The following RBBP6 variants were observed in gnomAD, a reference collection of about 807,000 sequenced individuals.
The protein encoded by RBBP6 is E3 ubiquitin-protein ligase RBBP6.
A neutral mutation model predicts 167.7 loss-of-function variants in RBBP6; 25 were observed. The observed-to-expected ratio is 0.15, with a 90% CI of 0.11 to 0.21. RBBP6 has a LOEUF of 0.21. Among genes scored for constraint, RBBP6 ranks in the 10% least tolerant of loss-of-function variants. The probability of loss-of-function intolerance (pLI) is 1.00; values close to 1 mark genes in which losing one functional copy is unlikely to be tolerated. For missense variants in RBBP6, 1,868 were observed against 2,134.2 expected (o/e 0.88, Z 2.46); for synonymous variants, 789 against 735.8 (o/e 1.07, Z -1.17).
rs1899070906 is a variant in RBBP6 at position 24,561,997 on chromosome 16, TTCA to T, written c.1129_1131del (p.Ser377del). 6.2e-7 allele frequency: 1 copy of T among 1,613,828 alleles called. No homozygotes were observed. The highest frequency in any genetic ancestry group is 8.5e-7 in the Non-Finnish European group (1 of 1,179,788). The stretch of plus-strand genomic sequence containing the variant: ...ATCCTCTTATGATTCCAGTGACATC[TTCA>T]TCAACTCACCCAGCTCCGTCTATAT... On this transcript the variant is annotated inframe_deletion, in exon 10 of 18. Transcript: ENST00000319715.
chr16:24,551,484 G>A (rs1898793325), intron 3 of RBBP6, among the ~76,000 whole-genome samples: 1 of 151,686 alleles, frequency 6.6e-6, no homozygotes, highest in Non-Finnish European at 1.5e-5. Context: ...CTTCTTTGTG[G>A]ACTATAAGAT....
intron 3 of RBBP6, among the ~76,000 whole-genome samples, chr16:24,552,191 T>C (rs1033199789): frequency 2.0e-5 from 3 of 151,854 alleles, no homozygotes; most frequent in African/African-American, 7.2e-5. Context: ...AACCCTAAGA[T>C]ATTTGTGAGA....
intron 14 of RBBP6, 94 bp from the exon 15 acceptor site, chr16:24,567,049 A>T: frequency 1.5e-6 from 2 of 1,329,810 alleles, no homozygotes; most frequent in Non-Finnish European, 2.0e-6. Flanking sequence ...CACTGTTTTT[A>T]AGTTTGAAAA....
rs749562327 is a variant in RBBP6, at chr16:24,569,322, G to A, written c.2632G>A (p.Gly878Ser). 12 of 1,612,864 alleles carry A rather than the reference G, an allele frequency of 7.4e-6. No homozygotes were observed. In the Admixed American group the frequency reaches 1.8e-4, roughly 25 times the overall value. Residue 878 changes from glycine (G) to serine (S), a missense_variant, in exon 17 of 18, where the codon GGC (glycine) becomes AGC (serine). By Grantham distance (56) the Gly-to-Ser change is moderately conservative (BLOSUM62 0). This residue lies in a region of RBBP6 where 673 missense variants were observed against 691.5 expected (regional missense o/e 0.97). Transcript: ENST00000319715. ...LNIRNSPFTR[G>S]RREDYVGGQS... ...CATCAGGAATTCTCCCTTCACAAGAGGCCGCAGAGAAGACTATGTTGGTGG... is the reference window on the plus strand; with the variant it reads ...CATCAGGAATTCTCCCTTCACAAGAAGCCGCAGAGAAGACTATGTTGGTGG...
chr16:24,555,519 A>G (rs2141465133), intron 4 of RBBP6, 96 bp from the exon 5 acceptor site: 1 of 908,258 alleles, frequency 1.1e-6, no homozygotes, highest in East Asian at 2.4e-5. Context: ...AAGATTAGTT[A>G]GATACTGCTC....
intron 1 of RBBP6, among the ~76,000 whole-genome samples, chr16:24,545,818 A>G (rs892799250): frequency 6.6e-6 from 1 of 152,266 alleles, no homozygotes; most frequent in African/African-American, 2.4e-5. Flanking sequence ...TTTAGGGACT[A>G]GGAGAGACAG....
intron 1 of RBBP6, among the ~76,000 whole-genome samples, chr16:24,541,193 C>A (rs3760103): frequency 0.34 from 23,596 of 69,216 alleles, 2,984 homozygotes; most frequent in South Asian, 0.52. Context: ...AAAAAAAAAA[C>A]AAAAAAAAAA....
chr16:24,544,501 C>T (rs1461491947), intron 1 of RBBP6, among the ~76,000 whole-genome samples: 2 of 152,044 alleles, frequency 1.3e-5, no homozygotes, highest in Non-Finnish European at 2.9e-5. Flanking sequence ...CATTAAAAGC[C>T]GAATATGCCT....
intron 1 of RBBP6, among the ~76,000 whole-genome samples, chr16:24,544,677 T>C (rs1259332985): frequency 1.3e-5 from 2 of 152,222 alleles, no homozygotes; most frequent in Admixed American, 1.3e-4. Flanking sequence ...TTTGGTAATT[T>C]TACAGATTCT....
intron 1 of RBBP6, among the ~76,000 whole-genome samples, chr16:24,544,124 A>G (rs1438254068): frequency 2.0e-5 from 3 of 152,230 alleles, no homozygotes; most frequent in African/African-American, 7.2e-5. Flanking sequence ...GTACGGTGCT[A>G]ATCAAATTAA....
chr16:24,556,393 T>C lies in RBBP6; in HGVS notation c.620T>C (p.Met207Thr), dbSNP rs1898912496. Residue 207 changes from methionine to threonine, a missense_variant, in exon 7 of 18, where the codon ATG (methionine) becomes ACG (threonine). By Grantham distance (81) the Met-to-Thr change is moderately conservative (BLOSUM62 -1). Around this residue, in one of 7 missense-constraint regions of RBBP6, gnomAD observed 184 missense variants for 327.7 expected, o/e 0.56. Coordinates refer to ENST00000319715, the MANE Select transcript of RBBP6 (RefSeq NM_006910.5). The stretch of plus-strand genomic sequence containing the variant: ...ATGATGGAAGTGAAAGATCCTAATA[T>C]GAAAGGTGCAATGCTTACCAACACT... ...SFMMEVKDPN[M>T]KGAMLTNTGK... is the part of the protein sequence containing the mutation. The C allele has an allele frequency of 1.2e-6, 2 of 1,605,568 alleles. No individual in the cohort carries two copies. The highest frequency in any genetic ancestry group is 1.3e-5 in the African/African-American group (1 of 74,738).
intron 2 of RBBP6, 112 bp downstream of exon 2, chr16:24,546,374 A>T (rs560850217): frequency 8.2e-7 from 1 of 1,213,716 alleles, no homozygotes; most frequent in South Asian, 2.0e-5. Flanking sequence ...CTTAATGAAT[A>T]CATCTTCTCA....
rs575669306 is a variant in RBBP6, at chr16:24,563,162, A to G, written c.1290-37A>G. 349 of 1,510,846 alleles carry G rather than the reference A, an allele frequency of 2.3e-4. 4 individuals are homozygous for G. In the South Asian group the frequency reaches 3.9e-3, roughly 17 times the overall value. The allele number at this position is 1,510,846 out of a possible 1,614,324, so 93.6% of individuals were successfully genotyped here. A position where few individuals can be genotyped will look rare whatever the true frequency, so the allele number is the denominator to read the frequency against. On this transcript the variant is annotated intron_variant, in intron 10 of 17. Coordinates refer to ENST00000319715, the MANE Select transcript of RBBP6 (RefSeq NM_006910.5). ...TTTTACTCTTAATTGTCCATTTCTG[A>G]TAATTTTTAATGTATTATAATTTAT...
chr16:24,555,499 GT>G, intron 4 of RBBP6, 115 bp from the exon 5 acceptor site: 1 of 797,630 alleles, frequency 1.3e-6, no homozygotes, highest in East Asian at 2.5e-5. Flanking sequence ...GTAAATAGCT[GT>G]TTTTATGCAA....
intron 4 of RBBP6, chr16:24,553,796 T>G (rs1898853903): frequency 6.8e-6 from 2 of 293,204 alleles, no homozygotes; most frequent in African/African-American, 2.2e-5. Flanking sequence ...GAAGCTACAC[T>G]TAATTATTTT....
intron 1 of RBBP6, 138 bp from the exon 2 acceptor site, chr16:24,546,025 C>G (rs1247055564): frequency 7.7e-7 from 1 of 1,306,450 alleles, no homozygotes; most frequent in East Asian, 3.0e-5. Context: ...CTGACAATAT[C>G]AGTAATCTAG....
At position 24,567,232 on chromosome 16, in the gene RBBP6, C is replaced by T; in HGVS notation, c.1679C>T (p.Pro560Leu). Residue 560 changes from proline (P) to leucine (L), a missense_variant, in exon 15 of 18, where the codon CCA (proline) becomes CTA (leucine). Pro to Leu is a moderately conservative substitution (Grantham distance 98, BLOSUM62 -3). Around this residue, in one of 7 missense-constraint regions of RBBP6, gnomAD observed 145 missense variants for 224.3 expected, o/e 0.65. Coordinates refer to ENST00000319715, the MANE Select transcript of RBBP6 (RefSeq NM_006910.5). ...LPATPVFVPV[P>L]PPPLYPPPPH... is the part of the protein sequence containing the mutation. The stretch of plus-strand genomic sequence containing the variant: ...GCAACTCCAGTCTTTGTACCTGTTC[C>T]ACCACCTCCTTTGTATCCGCCTCCT... 6.2e-7 allele frequency: 1 copy of T among 1,614,076 alleles called. No individual in the cohort carries two copies.
At chr16:24,546,031 T>C in intron 1 of RBBP6, 132 bp from the exon 2 acceptor site, 1 of 1,340,244 alleles carries the variant, frequency 7.5e-7, no homozygotes, top group Non-Finnish European at 9.7e-7. Context: ...ATATCAGTAA[T>C]CTAGTTGCAA....
In RBBP6 at chr16:24,570,087, C is replaced by G. The variant is rs1367971615; in HGVS notation, c.3397C>G (p.Pro1133Ala). 4.4e-6 allele frequency: 7 copies of G among 1,603,824 alleles called. No homozygotes were observed. In the African/African-American group the frequency reaches 9.5e-5, roughly 22 times the overall value. The part of the protein sequence containing the change: ...LTTKEEKAKK[P>A]NEKNKPLDNK... The stretch of plus-strand genomic sequence containing the variant: ...AACTAAGGAAGAAAAGGCCAAGAAG[C>G]CTAATGAGAAAAACAAACCACTTGA... Residue 1133 changes from proline (P) to alanine (A), a missense_variant, in exon 17 of 18, where the codon CCT becomes GCT. By Grantham distance (27) the Pro-to-Ala change is conservative. Coordinates refer to ENST00000319715, the MANE Select transcript of RBBP6 (RefSeq NM_006910.5).
Sources: gnomAD v4.1 joint callset for allele counts (sites outside exome capture counted in the v4.1 genomes callset) on GRCh38, gnomAD v4.1.1 for gene constraint, gnomAD v4.1.1 regional missense constraint, MANE v1.5 for transcripts, NCBI Gene and HGNC (gene_info 2026-07-23, HGNC 2026-07-21) for gene names.